BTF3: variants seen among roughly 807,000 people sequenced by gnomAD.
The protein encoded by BTF3 is transcription factor BTF3.
Under a neutral mutation model 23.9 loss-of-function variants are expected in BTF3, and 12 were observed. The ratio of observed to expected loss-of-function variants is 0.50; its 90% CI spans 0.32 to 0.81. BTF3 has a LOEUF of 0.81. Among genes scored for constraint, BTF3 ranks in the 40% least tolerant of loss-of-function variants. BTF3 has a pLI of 0.03. For missense variants in BTF3, 215 were observed against 255.9 expected (o/e 0.84, Z 1.09); for synonymous variants, 96 against 94.8 (o/e 1.01, Z -0.07).
intron 2 of BTF3, among the ~76,000 whole-genome samples, chr5:73,501,733 T>C (rs1469391472): frequency 6.6e-6 from 1 of 152,218 alleles, no homozygotes; most frequent in East Asian, 1.9e-4. Flanking sequence ...ACAGTTTGTG[T>C]AGGGCTCTTG....
Position 73,503,039 on chromosome 5 carries a change from C to G in BTF3, c.439C>G (p.Leu147Val). The G allele has an allele frequency of 6.2e-7, 1 of 1,614,036 alleles. No individual in the cohort carries two copies. The highest frequency in any genetic ancestry group is 8.5e-7 in the Non-Finnish European group (1 of 1,179,936). Residue 147 changes from leucine to valine, a missense_variant, in exon 4 of 6, where the codon CTA becomes GTA. By Grantham distance (32) the Leu-to-Val change is conservative. This residue lies in a region of BTF3 where 99 missense variants were observed against 171.2 expected (regional missense o/e 0.58). Transcript: ENST00000380591. ...TGAGACAAAGCAGCTGACAGAAATG[C>G]TACCCAGCATCTTAAACCAGCTTGG... ...HAETKQLTEM[L>V]PSILNQLGAD...
intron 2 of BTF3, among the ~76,000 whole-genome samples, chr5:73,500,194 C>T (rs1746402450): frequency 1.3e-5 from 2 of 152,266 alleles, no homozygotes; most frequent in East Asian, 1.9e-4. Flanking sequence ...CGTTAGCCAT[C>T]TTCAGGATCC....
intron 5 of BTF3, among the ~76,000 whole-genome samples, 174 bp from the exon 6 acceptor site, chr5:73,505,018 A>G (rs934900248): frequency 7.0e-6 from 1 of 141,980 alleles, no homozygotes; most frequent in African/African-American, 2.7e-5. Flanking sequence ...TGAGATGGGA[A>G]GAGGGGGGCA....
rs1350054900 is a variant in BTF3 at position 73,502,682 on chromosome 5, T to G, written c.315+81T>G. ...GTTAATGCATTAAATGGGTTGTTTT[T>G]TTTTTTTTTAACTTAGGGACTTCAA... On this transcript the variant is annotated intron_variant, in intron 3 of 5. Transcript: ENST00000380591. 42 of 1,041,444 alleles carry G rather than the reference T, an allele frequency of 4.0e-5. 1 individual carries two copies. The highest frequency in any genetic ancestry group is 1.2e-4 in the African/African-American group (7 of 60,832). 64.5% of individuals were successfully genotyped at this position (1,041,444 alleles called of 1,614,324 possible).
intron 2 of BTF3, chr5:73,499,432 C>A: frequency 1.6e-6 from 1 of 624,878 alleles, no homozygotes; most frequent in Non-Finnish European, 2.8e-6. Flanking sequence ...TTCAGTGTTA[C>A]AGAGTGTAAG....
At position 73,498,614 on chromosome 5, in the gene BTF3, G is replaced by A; in HGVS notation, c.-54G>A. On this transcript the variant is annotated 5_prime_UTR_variant, in exon 1 of 6. Transcript: ENST00000380591. The stretch of plus-strand genomic sequence containing the variant: ...AGGAGGACGGGAGCGGGGGCGGGAA[G>A]TTCCCTGAAGGAGCGAGACAGGGAG... The A allele has an allele frequency of 7.0e-7, 1 of 1,431,284 alleles. No individual in the cohort carries two copies. The allele number at this position is 1,431,284 out of a possible 1,614,324, so 88.7% of individuals were successfully genotyped here. A position where few individuals can be genotyped will look rare whatever the true frequency, so the allele number is the denominator to read the frequency against.
chr5:73,504,267 C>CTTTTTTTTTTTTTTTTTTTTTTT lies in BTF3; in HGVS notation c.518-77_518-55dup, dbSNP rs34051700. The stretch of plus-strand genomic sequence containing the variant: ...AACAACACTTGGCATTTCATCTGTT[C>CTTTTTTTTTTTTTTTTTTTTTTT]TTTTTTTTTTTTTTTTTTTTTTTTT... On this transcript the variant is annotated intron_variant, in intron 4 of 5. Coordinates refer to ENST00000380591, the MANE Select transcript of BTF3 (RefSeq NM_001037637.2). 1.3e-4 allele frequency: 16 copies of CTTTTTTTTTTTTTTTTTTTTTTT among 125,378 alleles called. 3 individuals are homozygous for CTTTTTTTTTTTTTTTTTTTTTTT. Among genetic ancestry groups the CTTTTTTTTTTTTTTTTTTTTTTT allele is most frequent in the South Asian group, 2.2e-4 (2 of 9,044 alleles). The allele number at this position is 125,378 out of a possible 1,614,324, so 7.8% of individuals were successfully genotyped here.
At chr5:73,500,262 A>G (rs1007834660) in intron 2 of BTF3, among the ~76,000 whole-genome samples, 2 of 152,188 alleles carry the variant, frequency 1.3e-5, no homozygotes, top group Non-Finnish European at 2.9e-5. Flanking sequence ...AATTGTTATC[A>G]GACTGTGGCC....
intron 3 of BTF3, 25 bp from the exon 4 acceptor site, chr5:73,502,891 A>G (rs1746471692): frequency 6.2e-7 from 1 of 1,603,786 alleles, no homozygotes; most frequent in East Asian, 2.2e-5. Flanking sequence ...AGCATTGCTA[A>G]TTTAAATTTT....
chr5:73,498,857 C>A (rs1052803478), intron 1 of BTF3, 58 bp downstream of exon 1: 1 of 1,491,294 alleles, frequency 6.7e-7, no homozygotes, highest in East Asian at 2.6e-5. Context: ...AGGCCGAGGC[C>A]AGGCCAGGGC....
intron 5 of BTF3, chr5:73,504,606 A>G (rs1438774644): frequency 7.0e-6 from 3 of 427,588 alleles, no homozygotes; most frequent in Non-Finnish European, 1.3e-5. Flanking sequence ...TTGGGATCCC[A>G]AGGATGTGTA....
chr5:73,503,063 G>T lies in BTF3; in HGVS notation c.463G>T (p.Gly155Cys). Reference sequence around the variant, plus strand: ...GCTACCCAGCATCTTAAACCAGCTTGGTGCGGATAGTCTGACTAGTTTAAG... The same window carrying T: ...GCTACCCAGCATCTTAAACCAGCTTTGTGCGGATAGTCTGACTAGTTTAAG... ...EMLPSILNQL[G>C]ADSLTSLRRL... is the part of the protein sequence containing the mutation. Residue 155 changes from glycine (G) to cysteine (C), a missense_variant, in exon 4 of 6, where the codon GGT becomes TGT. Physicochemically the swap from Gly to Cys is radical, Grantham distance 159. Transcript: ENST00000380591. 1.2e-6 allele frequency: 2 copies of T among 1,614,050 alleles called. No homozygotes were observed. The highest frequency in any genetic ancestry group is 1.7e-6 in the Non-Finnish European group (2 of 1,179,980).
intron 1 of BTF3, 42 bp from the exon 2 acceptor site, chr5:73,499,092 T>G: frequency 1.3e-6 from 2 of 1,567,352 alleles, no homozygotes; most frequent in Non-Finnish European, 8.7e-7. Context: ...AATGCTAGAG[T>G]GAGCTAAACC....
intron 1 of BTF3, 50 bp from the exon 2 acceptor site, chr5:73,499,084 T>A: frequency 6.5e-7 from 1 of 1,547,002 alleles, no homozygotes; most frequent in Non-Finnish European, 8.8e-7. Context: ...GAGCATGGAA[T>A]GCTAGAGTGA....
In BTF3 at chr5:73,505,544, A is replaced by T. The variant is rs1002499828; in HGVS notation, c.*306A>T. On this transcript the variant is annotated 3_prime_UTR_variant, in exon 6 of 6. Transcript: ENST00000380591. ...TTGACACCGATCTGTACACAGTAAAAAAAATTGCTTATAGAAAGCTAATCA... is the reference window on the plus strand; with the variant it reads ...TTGACACCGATCTGTACACAGTAAATAAAATTGCTTATAGAAAGCTAATCA... The T allele has an allele frequency of 5.4e-6, 1 of 185,064 alleles. No homozygotes were observed. Among genetic ancestry groups the T allele is most frequent in the Non-Finnish European group, 1.1e-5 (1 of 90,156 alleles). 11.5% of individuals were successfully genotyped at this position (185,064 alleles called of 1,614,324 possible).
rs1194585657 is a variant in BTF3, at chr5:73,505,179, T to C, written c.575-13T>C. 3.0e-5 allele frequency: 49 copies of C among 1,607,000 alleles called. No homozygotes were observed. Among genetic ancestry groups the C allele is most frequent in the Non-Finnish European group, 4.2e-5 (49 of 1,178,054 alleles). On this transcript the variant is annotated splice_polypyrimidine_tract_variant and intron_variant, in intron 5 of 5. Transcript: ENST00000380591. ...GGCTTTTTTAAGAATTTCTACTCTTTTCCTTTTCCTAGATCTTGTGGAGAA... is the reference window on the plus strand; with the variant it reads ...GGCTTTTTTAAGAATTTCTACTCTTCTCCTTTTCCTAGATCTTGTGGAGAA...
rs375912895 is a variant in BTF3, at chr5:73,499,124, C to T, written c.133-10C>T. On this transcript the variant is annotated splice_polypyrimidine_tract_variant and intron_variant, in intron 1 of 5. Coordinates refer to ENST00000380591, the MANE Select transcript of BTF3 (RefSeq NM_001037637.2). ...AACCTATCCTTGCTGAGGATTTCCT[C>T]TTTTTCTAGATGAAAGAAACAATCA... The T allele has an allele frequency of 2.5e-6, 4 of 1,605,900 alleles. No homozygotes were observed. The highest frequency in any genetic ancestry group is 1.7e-5 in the Admixed American group (1 of 57,890).
rs757993865 is a variant in BTF3, at chr5:73,502,940, A to G, written c.340A>G (p.Thr114Ala). 1.1e-5 allele frequency: 18 copies of G among 1,612,506 alleles called. No individual in the cohort carries two copies. Among genetic ancestry groups the G allele is most frequent in the African/African-American group, 4.0e-5 (3 of 74,870 alleles). ...EEVNMFTNQG[T>A]VIHFNNPKVQ... is the part of the protein sequence containing the mutation. ...GGTGAATATGTTTACAAACCAAGGA[A>G]CAGTGATCCACTTTAACAACCCTAA... Residue 114 changes from threonine to alanine, a missense_variant, in exon 4 of 6, where the codon ACA (threonine) becomes GCA (alanine). Around this residue, in one of 2 missense-constraint regions of BTF3, gnomAD observed 99 missense variants for 171.2 expected, o/e 0.58. Transcript: ENST00000380591.
chr5:73,501,096 C>G (rs757959433), intron 2 of BTF3, among the ~76,000 whole-genome samples: 4 of 152,110 alleles, frequency 2.6e-5, no homozygotes, highest in Non-Finnish European at 5.9e-5. Context: ...TTAAAAAAAT[C>G]TTCTTTCACA....
Sources: gnomAD v4.1 joint callset for allele counts (sites outside exome capture counted in the v4.1 genomes callset) on GRCh38, gnomAD v4.1.1 for gene constraint, gnomAD v4.1.1 regional missense constraint, MANE v1.5 for transcripts, NCBI Gene and HGNC (gene_info 2026-07-23, HGNC 2026-07-21) for gene names.